GRID1: variants seen among roughly 807,000 people sequenced by gnomAD.
GRID1 encodes glutamate receptor ionotropic, delta-1.
GRID1 carries 28 observed loss-of-function variants against 98.0 expected under a neutral mutation model. That is an observed-to-expected ratio of 0.29 (90% CI 0.21 to 0.39). GRID1 has a LOEUF of 0.39. GRID1 is among the 10% of genes least tolerant of loss of function. The pLI is 1.00. For synonymous variants in GRID1, 553 were observed against 538.5 expected (o/e 1.03, Z -0.37); for missense variants, 1,111 against 1,340.5 (o/e 0.83, Z 2.67).
At chr10:85,896,455 G>A (rs1841295785) in intron 5 of GRID1, among the ~76,000 whole-genome samples, 1 of 152,138 alleles carries the variant, frequency 6.6e-6, no homozygotes, top group South Asian at 2.1e-4. Context: ...ATATTGTTGT[G>A]ATACCTCAGA....
At position 86,271,457 on chromosome 10, in the gene GRID1, G is replaced by A. The variant is rs187451453; in HGVS notation, c.236-64809C>T. On this transcript the variant is annotated intron_variant, in intron 2 of 15. Coordinates refer to ENST00000327946, the MANE Select transcript of GRID1 (RefSeq NM_017551.3). ...ACCCATGTGAAGAAAAAAATCAATCGATCAAAATCAAACCACAACTGAAAC... is the reference window on the plus strand; with the variant it reads ...ACCCATGTGAAGAAAAAAATCAATCAATCAAAATCAAACCACAACTGAAAC... Among the ~76,000 whole-genome samples the A allele has an allele frequency of 2.4e-3, 368 of 152,180 alleles. 1 individual carries two copies. Among genetic ancestry groups the A allele is most frequent in the Non-Finnish European group, 4.3e-3 (294 of 67,990 alleles).
At chr10:86,333,999 C>T (rs972836957) in intron 2 of GRID1, among the ~76,000 whole-genome samples, 2 of 152,082 alleles carry the variant, frequency 1.3e-5, no homozygotes, top group Non-Finnish European at 2.9e-5. Flanking sequence ...TGCCAGCCGC[C>T]ACCCCCTCCC....
intron 4 of GRID1, among the ~76,000 whole-genome samples, chr10:86,077,558 C>T (rs1008394807): frequency 6.6e-6 from 1 of 152,218 alleles, no homozygotes; most frequent in African/African-American, 2.4e-5. Context: ...CGCAATCATG[C>T]TATCTGCTAC....
intron 12 of GRID1, among the ~76,000 whole-genome samples, chr10:85,706,418 C>T (rs1006838727): frequency 6.6e-6 from 1 of 152,108 alleles, no homozygotes; most frequent in Admixed American, 6.5e-5. Flanking sequence ...ATGTGAAGGA[C>T]CTCTTCAGGA....
chr10:85,951,820 C>G (rs573599463), intron 4 of GRID1, among the ~76,000 whole-genome samples: 1 of 152,170 alleles, frequency 6.6e-6, no homozygotes, highest in Non-Finnish European at 1.5e-5. Context: ...GAGGTGCCCA[C>G]AGGGCCCTGT....
chr10:85,877,081 G>C (rs1456874084), intron 5 of GRID1, among the ~76,000 whole-genome samples: 2 of 152,264 alleles, frequency 1.3e-5, no homozygotes, highest in East Asian at 3.8e-4. Flanking sequence ...GCCCAGGCTT[G>C]CTTAGGTAAA....
intron 2 of GRID1, among the ~76,000 whole-genome samples, chr10:86,251,421 A>T (rs1247687808): frequency 1.3e-5 from 2 of 152,004 alleles, no homozygotes; most frequent in Non-Finnish European, 2.9e-5. Flanking sequence ...ATGCCAAATT[A>T]CTGACAGCAT....
chr10:86,309,302 C>T (rs1847801257), intron 2 of GRID1, among the ~76,000 whole-genome samples: 1 of 152,068 alleles, frequency 6.6e-6, no homozygotes, highest in Admixed American at 6.6e-5. Flanking sequence ...CATTAAGGGC[C>T]CCCCTCCTTA....
At chr10:86,251,486 G>C (rs1846831400) in intron 2 of GRID1, among the ~76,000 whole-genome samples, 1 of 152,170 alleles carries the variant, frequency 6.6e-6, no homozygotes, top group Admixed American at 6.5e-5. Flanking sequence ...GTCTGCGGGA[G>C]CTGGTCCCTC....
intron 4 of GRID1, among the ~76,000 whole-genome samples, chr10:86,080,434 G>GGGAAGGGA (rs1843956698): frequency 3.8e-5 from 1 of 26,228 alleles, no homozygotes; most frequent in African/African-American, 2.2e-4. Flanking sequence ...GAGGGGAGGG[G>GGGAAGGGA]AGGGGAGGGG....
At chr10:85,925,468 G>A (rs532235730) in intron 4 of GRID1, among the ~76,000 whole-genome samples, 11 of 152,292 alleles carry the variant, frequency 7.2e-5, no homozygotes, top group East Asian at 1.9e-4. Context: ...CTCATGACTC[G>A]GTCCCTGAGG....
intron 8 of GRID1, among the ~76,000 whole-genome samples, chr10:85,730,169 C>A (rs989122248): frequency 2.0e-5 from 3 of 152,220 alleles, no homozygotes; most frequent in Non-Finnish European, 2.9e-5. Context: ...CCTTGACAGG[C>A]AGGTAGAGGC....
At chr10:85,804,310 T>C (rs1842602987) in intron 8 of GRID1, among the ~76,000 whole-genome samples, 1 of 151,772 alleles carries the variant, frequency 6.6e-6, no homozygotes, top group Admixed American at 6.6e-5. Context: ...GAGATCCAAA[T>C]GACCAAAACT....
At chr10:86,132,410 G>A (rs1278609468) in intron 4 of GRID1, among the ~76,000 whole-genome samples, 1 of 152,178 alleles carries the variant, frequency 6.6e-6, no homozygotes, top group Admixed American at 6.5e-5. Context: ...TTATTTCTAA[G>A]AATTTCTAAG....
chr10:85,824,839 G>A (rs1056790022), intron 8 of GRID1, among the ~76,000 whole-genome samples: 1 of 152,102 alleles, frequency 6.6e-6, no homozygotes, highest in Non-Finnish European at 1.5e-5. Flanking sequence ...TTAGAATAAT[G>A]TCATCCAGAT....
intron 12 of GRID1, among the ~76,000 whole-genome samples, chr10:85,688,049 A>G (rs1411167487): frequency 6.6e-6 from 1 of 152,244 alleles, no homozygotes; most frequent in African/African-American, 2.4e-5. Flanking sequence ...TTCACAGAGG[A>G]GGGAGCACAG....
At chr10:85,941,556 C>A (rs1282600977) in intron 4 of GRID1, among the ~76,000 whole-genome samples, 1 of 152,114 alleles carries the variant, frequency 6.6e-6, no homozygotes, top group African/African-American at 2.4e-5. Flanking sequence ...CTACAATGAA[C>A]ATGACATACT....
At chr10:86,121,344 T>TACCACCACCATCATCACCACCAAC (rs1356503232) in intron 4 of GRID1, among the ~76,000 whole-genome samples, 1 of 143,236 alleles carries the variant, frequency 7.0e-6, no homozygotes, top group East Asian at 2.1e-4. Context: ...TCACCATCAC[T>TACCACCACCATCATCACCACCAAC]ACCACCACCA....
At chr10:85,904,728 A>T (rs543018811) in intron 5 of GRID1, among the ~76,000 whole-genome samples, 1 of 151,806 alleles carries the variant, frequency 6.6e-6, no homozygotes, top group East Asian at 1.9e-4. Flanking sequence ...AAAAAAAAAC[A>T]CTGGACAGAA....
Sources: allele counts gnomAD v4.1 joint callset (sites outside exome capture counted in the v4.1 genomes callset), GRCh38; gene constraint gnomAD v4.1.1; transcripts MANE v1.5; gene names NCBI Gene and HGNC (gene_info 2026-07-23, HGNC 2026-07-21).